DIS3L2: variants seen among roughly 807,000 people sequenced by gnomAD.
DIS3L2 encodes the protein DIS3 like 3'-5' exoribonuclease 2.
A neutral mutation model predicts 97.5 loss-of-function variants in DIS3L2; 34 were observed. The observed-to-expected ratio is 0.35, with a 90% CI of 0.27 to 0.46. The LOEUF (loss-of-function observed/expected upper bound fraction) is 0.46. Ranked by LOEUF, DIS3L2 falls within the 20% of genes least tolerant of loss-of-function variation. DIS3L2 has a pLI of 1.00. For synonymous variants in DIS3L2, 435 were observed against 445.2 expected (o/e 0.98, Z 0.29); for missense variants, 1,038 against 1,146.0 (o/e 0.91, Z 1.36).
chr2:232,247,298 T>A (rs1183686955), intron 11 of DIS3L2, among the ~76,000 whole-genome samples: 1 of 152,162 alleles, frequency 6.6e-6, no homozygotes, highest in Non-Finnish European at 1.5e-5. Context: ...GCTCCTATAG[T>A]AACATGCCAT....
At chr2:232,197,977 A>G (rs1378347450) in intron 9 of DIS3L2, among the ~76,000 whole-genome samples, 2 of 151,842 alleles carry the variant, frequency 1.3e-5, no homozygotes, top group Non-Finnish European at 2.9e-5. Context: ...TAAAAAAAAA[A>G]AAAAGAAAAG....
intron 10 of DIS3L2, among the ~76,000 whole-genome samples, chr2:232,210,876 A>G (rs1692170368): frequency 6.6e-6 from 1 of 151,864 alleles, no homozygotes; most frequent in Non-Finnish European, 1.5e-5. Context: ...CTGCCTCTCT[A>G]GGGCTGAGCT....
chr2:232,115,193 G>A (rs1574886279), intron 6 of DIS3L2, among the ~76,000 whole-genome samples: 1 of 152,138 alleles, frequency 6.6e-6, no homozygotes, highest in East Asian at 1.9e-4. Flanking sequence ...TTTGGAAAGG[G>A]ACAAATATTC....
rs189624262 is a variant in DIS3L2 at position 232,091,607 on chromosome 2, G to A, written c.601+3886G>A. On this transcript the variant is annotated intron_variant, in intron 6 of 20. Transcript: ENST00000325385. ...TCTTGGTTATTATGGTTAGTGCTGC[G>A]AGAAACATGGGAGTGCAGATATCTC... Among the ~76,000 whole-genome samples the A allele has an allele frequency of 1.4e-4, 21 of 152,220 alleles. No individual in the cohort carries two copies. The East Asian group carries it at 3.3e-3, about 24-fold the overall frequency.
chr2:232,001,557 C>CTTTTTTTTTTTTTTTTTTTTTTCTTTTG (rs1693905091), intron 1 of DIS3L2, among the ~76,000 whole-genome samples: 2 of 61,922 alleles, frequency 3.2e-5, no homozygotes, highest in Non-Finnish European at 5.7e-5. Flanking sequence ...TGCCATTTGT[C>CTTTTTTTTTTTTTTTTTTTTTTCTTTTG]TTTTTTTTTT....
At chr2:232,006,580 GTAT>G (rs1297029735) in intron 1 of DIS3L2, among the ~76,000 whole-genome samples, 1 of 152,210 alleles carries the variant, frequency 6.6e-6, no homozygotes, top group Admixed American at 6.5e-5. Context: ...GTGCTTGCCG[GTAT>G]TATTCAGCAG....
At chr2:232,218,568 T>G (rs1345233541) in intron 10 of DIS3L2, among the ~76,000 whole-genome samples, 1 of 152,154 alleles carries the variant, frequency 6.6e-6, no homozygotes, top group African/African-American at 2.4e-5. Flanking sequence ...GGGAGTTTCC[T>G]GGGAGGGAGA....
At chr2:232,135,617 G>A (rs1698334265) in intron 7 of DIS3L2, among the ~76,000 whole-genome samples, 1 of 152,168 alleles carries the variant, frequency 6.6e-6, no homozygotes, top group South Asian at 2.1e-4. Flanking sequence ...GCCCTAAGGT[G>A]CTTTCCTGTG....
At chr2:232,132,183 T>C (rs1698238074) in intron 7 of DIS3L2, among the ~76,000 whole-genome samples, 1 of 152,106 alleles carries the variant, frequency 6.6e-6, no homozygotes, top group Non-Finnish European at 1.5e-5. Flanking sequence ...TATCTCCCTT[T>C]CTTTTGGATA....
At chr2:231,971,760 T>A (rs1399630744) in intron 1 of DIS3L2, among the ~76,000 whole-genome samples, 14 of 151,224 alleles carry the variant, frequency 9.3e-5, no homozygotes, top group African/African-American at 3.4e-4. Flanking sequence ...TTTTGTATTT[T>A]TAGTAGAGAC....
intron 13 of DIS3L2, among the ~76,000 whole-genome samples, chr2:232,298,298 A>G (rs1694769477): frequency 6.6e-6 from 1 of 152,258 alleles, no homozygotes; most frequent in Admixed American, 6.5e-5. Flanking sequence ...CTATAAATTC[A>G]TAACTTAAAT....
intron 10 of DIS3L2, among the ~76,000 whole-genome samples, chr2:232,211,182 T>C (rs978919286): frequency 2.6e-5 from 4 of 151,522 alleles, no homozygotes; most frequent in Admixed American, 6.6e-5. Flanking sequence ...TCCCACTCTT[T>C]TGCCCAGGCT....
chr2:232,290,128 A>T lies in DIS3L2; in HGVS notation c.1660-9912A>T, dbSNP rs552677808. 3.0e-4 allele frequency among the ~76,000 whole-genome samples: 46 copies of T among 152,334 alleles called. No homozygotes were observed. The South Asian group carries it at 9.5e-3, about 32-fold the overall frequency. On this transcript the variant is annotated intron_variant, in intron 13 of 20. Transcript: ENST00000325385. ...AAATGGTTTGATAAGGTGATGTTCTAACGCAGTCATCCTCTTTGGCCATGA... is the reference window on the plus strand; with the variant it reads ...AAATGGTTTGATAAGGTGATGTTCTTACGCAGTCATCCTCTTTGGCCATGA...
At chr2:231,998,222 T>C (rs1693780691) in intron 1 of DIS3L2, among the ~76,000 whole-genome samples, 1 of 152,182 alleles carries the variant, frequency 6.6e-6, no homozygotes, top group Admixed American at 6.6e-5. Flanking sequence ...AGTAAGGTGC[T>C]GACATCTGTT....
chr2:232,312,640 A>T (rs1695168544), intron 14 of DIS3L2, among the ~76,000 whole-genome samples: 1 of 152,242 alleles, frequency 6.6e-6, no homozygotes, highest in Non-Finnish European at 1.5e-5. Flanking sequence ...ACATGCACAC[A>T]AACTTGCTAG....
intron 6 of DIS3L2, among the ~76,000 whole-genome samples, chr2:232,121,767 T>C (rs1471578405): frequency 2.0e-5 from 3 of 152,144 alleles, no homozygotes; most frequent in Non-Finnish European, 4.4e-5. Context: ...ACAGGTCATG[T>C]CTATGCTGCT....
At chr2:232,287,214 A>T (rs1694456713) in intron 13 of DIS3L2, among the ~76,000 whole-genome samples, 1 of 152,134 alleles carries the variant, frequency 6.6e-6, no homozygotes, top group African/African-American at 2.4e-5. Context: ...TTCCCCTAAG[A>T]TTATTGTGAA....
chr2:232,132,934 A>G (rs1698260422), intron 7 of DIS3L2, among the ~76,000 whole-genome samples: 2 of 152,196 alleles, frequency 1.3e-5, no homozygotes, highest in South Asian at 2.1e-4. Context: ...TCTGGCCACA[A>G]CATGCAGTCA....
chr2:232,263,287 A>C lies in DIS3L2; in HGVS notation c.1506A>C (p.Glu502Asp). Residue 502 changes from glutamate (E) to aspartate (D), a missense_variant, in exon 13 of 21, where the codon GAA becomes GAC. By Grantham distance (45) the Glu-to-Asp change is conservative. Coordinates refer to ENST00000325385, the MANE Select transcript of DIS3L2 (RefSeq NM_152383.5). The part of the protein sequence containing the change: ...LSYEHAQSMI[E>D]SPTEKIPAKE... ...ACGAGCATGCACAGAGCATGATTGAAAGCCCAACTGAGAAAATCCCTGCGA... is the reference window on the plus strand; with the variant it reads ...ACGAGCATGCACAGAGCATGATTGACAGCCCAACTGAGAAAATCCCTGCGA... 1 of 1,614,206 alleles carries C rather than the reference A, an allele frequency of 6.2e-7. No homozygotes were observed. The highest frequency in any genetic ancestry group is 8.5e-7 in the Non-Finnish European group (1 of 1,180,032).
Sources: gnomAD v4.1 joint callset for allele counts (sites outside exome capture counted in the v4.1 genomes callset) on GRCh38, gnomAD v4.1.1 for gene constraint, MANE v1.5 for transcripts, NCBI Gene and HGNC (gene_info 2026-07-23, HGNC 2026-07-21) for gene names.